Variants in DLG1 observed in about 807,000 individuals in gnomAD.
The protein encoded by DLG1 is disks large homolog 1.
Under a neutral mutation model 123.4 loss-of-function variants are expected in DLG1, and 42 were observed. That is an observed-to-expected ratio of 0.34 (90% confidence interval 0.27 to 0.44). The LOEUF is 0.44. DLG1 is among the 20% of genes least tolerant of loss of function. The pLI is 1.00. For missense variants in DLG1, 942 were observed against 1,082.6 expected (o/e 0.87, Z 1.82); for synonymous variants, 317 against 356.2 (o/e 0.89, Z 1.24).
intron 4 of DLG1, among the ~76,000 whole-genome samples, chr3:197,197,258 T>G (rs1200089146): frequency 1.3e-5 from 2 of 152,240 alleles, no homozygotes; most frequent in African/African-American, 4.8e-5. Context: ...TTGGTAAGAC[T>G]ACAGGTGGTG....
At chr3:197,124,286 T>A (rs11718243) in intron 11 of DLG1, among the ~76,000 whole-genome samples, 39,936 of 152,102 alleles carry the variant, frequency 0.26, 5,654 homozygotes, top group Middle Eastern at 0.36. Context: ...TATGTTTTTT[T>A]ATTTTTCTTA....
At chr3:197,136,850 A>G (rs1456183916) in intron 9 of DLG1, among the ~76,000 whole-genome samples, 172 bp from the exon 10 acceptor site, 2 of 152,268 alleles carry the variant, frequency 1.3e-5, no homozygotes, top group African/African-American at 4.8e-5. Flanking sequence ...ACACTTAGAC[A>G]TACAGCTGCT....
intron 4 of DLG1, among the ~76,000 whole-genome samples, chr3:197,264,592 A>G (rs1303676886): frequency 6.6e-6 from 1 of 152,056 alleles, no homozygotes; most frequent in Non-Finnish European, 1.5e-5. Context: ...ACGCCCAGCT[A>G]ATTTTTGTAT....
At chr3:197,284,668 A>AT (rs1206679162) in intron 3 of DLG1, among the ~76,000 whole-genome samples, 6 of 152,194 alleles carry the variant, frequency 3.9e-5, no homozygotes, top group Non-Finnish European at 2.9e-5. Context: ...GCGAAAAATT[A>AT]TTTTCTTTGA....
chr3:197,222,102 G>A (rs1737420133), intron 4 of DLG1, among the ~76,000 whole-genome samples: 1 of 152,092 alleles, frequency 6.6e-6, no homozygotes, highest in African/African-American at 2.4e-5. Context: ...TTTTTCCCCC[G>A]AATTCTGATC....
intron 4 of DLG1, among the ~76,000 whole-genome samples, chr3:197,201,834 T>C (rs1049673947): frequency 6.6e-6 from 1 of 152,110 alleles, no homozygotes; most frequent in African/African-American, 2.4e-5. Context: ...AAAGTTCATA[T>C]GGAACCAAAA....
chr3:197,296,336 T>G lies in DLG1; in HGVS notation c.151+10A>C. The G allele has an allele frequency of 6.2e-7, 1 of 1,611,832 alleles. No homozygotes were observed. Among genetic ancestry groups the G allele is most frequent in the Non-Finnish European group, 8.5e-7 (1 of 1,178,302 alleles). ...AGCTGGCATAATAGTTACGAAGTTT[T>G]AATTCCCACCTATTAAAGCCTGAAA... is the stretch of plus-strand genomic sequence containing the variant. On this transcript the variant is annotated intron_variant, in intron 3 of 24. Coordinates refer to ENST00000667157, the MANE Select transcript of DLG1 (RefSeq NM_001366207.1).
chr3:197,261,397 G>A (rs73210568), intron 4 of DLG1, among the ~76,000 whole-genome samples: 2,136 of 152,306 alleles, frequency 0.014, 32 homozygotes, highest in Non-Finnish European at 0.02. Context: ...AGCTGTAATT[G>A]CAGCACTGCA....
intron 4 of DLG1, among the ~76,000 whole-genome samples, chr3:197,221,871 CAA>C (rs1237053360): frequency 6.6e-6 from 1 of 152,084 alleles, no homozygotes; most frequent in African/African-American, 2.4e-5. Flanking sequence ...CAGGACCTCC[CAA>C]AGAGACCAAA....
intron 5 of DLG1, among the ~76,000 whole-genome samples, chr3:197,170,234 C>T (rs543147093): frequency 1.2e-3 from 181 of 152,210 alleles, no homozygotes; most frequent in African/African-American, 4.1e-3. Flanking sequence ...GCGTTCATGT[C>T]TTTATAACAG....
intron 4 of DLG1, among the ~76,000 whole-genome samples, chr3:197,239,297 G>C (rs187503626): frequency 1.1e-4 from 16 of 152,116 alleles, no homozygotes; most frequent in Admixed American, 9.8e-4. Flanking sequence ...AATCTAAATA[G>C]ATCTATAATT....
chr3:197,272,341 A>C (rs1764259870), intron 4 of DLG1, among the ~76,000 whole-genome samples: 1 of 149,856 alleles, frequency 6.7e-6, no homozygotes, highest in South Asian at 2.1e-4. Flanking sequence ...ACAAAGCAAG[A>C]CCTCCTCTAA....
At chr3:197,078,363 C>T (rs1344321133) in intron 17 of DLG1, 2 of 150,198 alleles carry the variant, frequency 1.3e-5, no homozygotes, top group African/African-American at 2.4e-5. Context: ...TGACTTTTAG[C>T]TCAAATTCTA....
intron 11 of DLG1, among the ~76,000 whole-genome samples, chr3:197,122,775 AAAG>A (rs1341974181): frequency 6.6e-6 from 1 of 152,150 alleles, no homozygotes; most frequent in African/African-American, 2.4e-5. Flanking sequence ...GACTTCAATA[AAAG>A]AAGAGATATT....
chr3:197,201,508 C>A (rs565440610), intron 4 of DLG1, among the ~76,000 whole-genome samples: 3 of 152,304 alleles, frequency 2.0e-5, no homozygotes, highest in African/African-American at 7.2e-5. Context: ...GTGTTCCTAT[C>A]CACCAATAAT....
At chr3:197,254,369 AG>A (rs1335149918) in intron 4 of DLG1, among the ~76,000 whole-genome samples, 1 of 152,236 alleles carries the variant, frequency 6.6e-6, no homozygotes, top group Admixed American at 6.5e-5. Flanking sequence ...AACAGAAGCC[AG>A]GTGAAAGTAA....
chr3:197,050,401 A>C (rs1404005186), intron 24 of DLG1, among the ~76,000 whole-genome samples: 1 of 151,894 alleles, frequency 6.6e-6, no homozygotes, highest in African/African-American at 2.4e-5. Flanking sequence ...CCCCCAAAAA[A>C]ACCCAACAAC....
intron 11 of DLG1, 135 bp downstream of exon 11, chr3:197,130,391 AG>A (rs766300815): frequency 2.7e-6 from 2 of 743,168 alleles, no homozygotes; most frequent in Non-Finnish European, 3.8e-6. Flanking sequence ...AAAAATGAGT[AG>A]ATTAACATGC....
At chr3:197,228,821 AATT>A (rs1165822730) in intron 4 of DLG1, among the ~76,000 whole-genome samples, 1 of 152,224 alleles carries the variant, frequency 6.6e-6, no homozygotes, top group East Asian at 1.9e-4. Flanking sequence ...AATAATAAAT[AATT>A]ATTAACAGTA....
Sources: gnomAD v4.1 joint callset for allele counts (sites outside exome capture counted in the v4.1 genomes callset) on GRCh38, gnomAD v4.1.1 for gene constraint, MANE v1.5 for transcripts, NCBI Gene and HGNC (gene_info 2026-07-23, HGNC 2026-07-21) for gene names.